The following APBB2 variants were observed in gnomAD, a reference collection of about 807,000 sequenced individuals.
The protein encoded by APBB2 is amyloid beta precursor protein binding family B member 2.
Under a neutral mutation model 82.5 loss-of-function variants are expected in APBB2, and 38 were observed. That is an observed-to-expected ratio of 0.46 (90% CI 0.36 to 0.60). The LOEUF (loss-of-function observed/expected upper bound fraction) is 0.60. Among genes scored for constraint, APBB2 ranks in the 20% least tolerant of loss-of-function variants. APBB2 has a pLI of 0.00. For missense variants in APBB2, 772 were observed against 972.3 expected (o/e 0.79, Z 2.74); for synonymous variants, 341 against 368.2 (o/e 0.93, Z 0.85).
At chr4:41,028,247 C>A (rs572418276) in intron 5 of APBB2, among the ~76,000 whole-genome samples, 1 of 152,218 alleles carries the variant, frequency 6.6e-6, no homozygotes, top group Non-Finnish European at 1.5e-5. Context: ...GAGCGCAGAG[C>A]GCACACTCTA....
At chr4:41,201,518 A>T (rs1226946420) in intron 1 of APBB2, among the ~76,000 whole-genome samples, 1 of 152,234 alleles carries the variant, frequency 6.6e-6, no homozygotes, top group Non-Finnish European at 1.5e-5. Flanking sequence ...TTATCACAGT[A>T]AACCCTTCCC....
chr4:40,988,394 G>A (rs1194931762), intron 6 of APBB2, among the ~76,000 whole-genome samples: 1 of 151,934 alleles, frequency 6.6e-6, no homozygotes, highest in African/African-American at 2.4e-5. Flanking sequence ...CCAGCACTTT[G>A]GGAGGTGGAG....
intron 10 of APBB2, among the ~76,000 whole-genome samples, chr4:40,930,484 CGTGTGTATGT>C (rs1205573291): frequency 1.4e-5 from 2 of 146,540 alleles, no homozygotes; most frequent in African/African-American, 5.3e-5. Context: ...TGCGCGTATG[CGTGTGTATGT>C]GTGTGGTGAT....
chr4:40,890,270 G>A (rs1234976654), intron 12 of APBB2, 94 bp downstream of exon 12: 17 of 1,471,336 alleles, frequency 1.2e-5, no homozygotes, highest in Middle Eastern at 2.6e-4. Flanking sequence ...CATGAGTTTC[G>A]TATTCCGTGA....
chr4:41,031,540 T>C (rs1190268732), intron 5 of APBB2, among the ~76,000 whole-genome samples: 1 of 152,168 alleles, frequency 6.6e-6, no homozygotes, highest in African/African-American at 2.4e-5. Flanking sequence ...TCTTACGTTA[T>C]AACCACCAAA....
At chr4:41,138,977 T>C (rs1758360517) in intron 2 of APBB2, among the ~76,000 whole-genome samples, 1 of 152,134 alleles carries the variant, frequency 6.6e-6, no homozygotes, top group Non-Finnish European at 1.5e-5. Flanking sequence ...TCTTAATTTA[T>C]AAAGGCATCA....
At chr4:40,831,606 A>T (rs893626275) in intron 12 of APBB2, among the ~76,000 whole-genome samples, 1 of 152,162 alleles carries the variant, frequency 6.6e-6, no homozygotes, top group Non-Finnish European at 1.5e-5. Context: ...AGCGGAAGCA[A>T]ACAATAGGCT....
chr4:41,054,772 C>T (rs1370641122), intron 4 of APBB2, among the ~76,000 whole-genome samples: 1 of 152,148 alleles, frequency 6.6e-6, no homozygotes, highest in Non-Finnish European at 1.5e-5. Context: ...AACTTGACCA[C>T]TGAGAAGCTT....
intron 5 of APBB2, among the ~76,000 whole-genome samples, chr4:41,018,635 T>C (rs1469091062): frequency 6.6e-6 from 1 of 152,176 alleles, no homozygotes; most frequent in Non-Finnish European, 1.5e-5. Flanking sequence ...TTTCCTCTAG[T>C]ATATTCTCCG....
At chr4:40,956,005 G>A (rs780928144) in intron 6 of APBB2, among the ~76,000 whole-genome samples, 6 of 152,012 alleles carry the variant, frequency 3.9e-5, no homozygotes, top group East Asian at 1.9e-4. Context: ...AACTCCCGAC[G>A]TCATGTGATC....
chr4:40,877,153 G>C (rs1033886865), intron 12 of APBB2, among the ~76,000 whole-genome samples: 1 of 152,242 alleles, frequency 6.6e-6, no homozygotes, highest in African/African-American at 2.4e-5. Flanking sequence ...CAGAACACGG[G>C]AGAATAAATA....
intron 3 of APBB2, among the ~76,000 whole-genome samples, chr4:41,069,505 G>A (rs1053852995): frequency 1.3e-5 from 2 of 152,124 alleles, no homozygotes; most frequent in Non-Finnish European, 2.9e-5. Context: ...TGTCTATTCT[G>A]TTAACAGGAA....
At chr4:41,041,320 G>A (rs1483270847) in intron 4 of APBB2, among the ~76,000 whole-genome samples, 3 of 152,186 alleles carry the variant, frequency 2.0e-5, no homozygotes, top group East Asian at 1.9e-4. Flanking sequence ...AGTTAAACAA[G>A]TAAAATGTGT....
intron 12 of APBB2, among the ~76,000 whole-genome samples, chr4:40,862,189 A>T (rs1762918972): frequency 1.3e-5 from 2 of 152,260 alleles, no homozygotes; most frequent in South Asian, 4.1e-4. Flanking sequence ...TTACATGAGT[A>T]TAAACATTAA....
intron 1 of APBB2, among the ~76,000 whole-genome samples, chr4:41,208,346 C>A (rs1443738777): frequency 1.3e-5 from 2 of 152,232 alleles, no homozygotes; most frequent in African/African-American, 2.4e-5. Flanking sequence ...ACAGCAACCT[C>A]CACCTCCTGG....
chr4:41,098,348 C>A (rs1191813332), intron 3 of APBB2, among the ~76,000 whole-genome samples: 1 of 152,092 alleles, frequency 6.6e-6, no homozygotes, highest in African/African-American at 2.4e-5. Context: ...CTAAGCCCAG[C>A]AACTTTTTTA....
At chr4:40,848,536 G>A (rs1758332744) in intron 12 of APBB2, among the ~76,000 whole-genome samples, 2 of 152,180 alleles carry the variant, frequency 1.3e-5, no homozygotes, top group Non-Finnish European at 2.9e-5. Flanking sequence ...CCTCACTGGA[G>A]GTAGCCTCTG....
At chr4:40,870,237 A>T (rs112249735) in intron 12 of APBB2, among the ~76,000 whole-genome samples, 1 of 152,330 alleles carries the variant, frequency 6.6e-6, no homozygotes, top group African/African-American at 2.4e-5. Context: ...CTCTGCCTCC[A>T]GCCCACTGTG....
intron 6 of APBB2, among the ~76,000 whole-genome samples, chr4:40,957,978 A>G (rs1792127392): frequency 2.0e-5 from 3 of 152,204 alleles, no homozygotes; most frequent in South Asian, 4.1e-4. Context: ...ACTATTAACC[A>G]AAACCAAACA....
Sources: allele counts gnomAD v4.1 joint callset (sites outside exome capture counted in the v4.1 genomes callset), GRCh38; gene constraint gnomAD v4.1.1; transcripts MANE v1.5; gene names NCBI Gene and HGNC (gene_info 2026-07-23, HGNC 2026-07-21).